PDE1C: variants seen among roughly 807,000 people sequenced by gnomAD.
PDE1C encodes dual specificity calcium/calmodulin-dependent 3',5'-cyclic nucleotide phosphodiesterase 1C.
A neutral mutation model predicts 93.1 loss-of-function variants in PDE1C; 62 were observed. The ratio of observed to expected loss-of-function variants is 0.67; its 90% CI spans 0.54 to 0.82. The LOEUF (loss-of-function observed/expected upper bound fraction) is 0.82. Ranked by LOEUF, PDE1C falls within the 40% of genes least tolerant of loss-of-function variation. PDE1C has a pLI of 0.00. For synonymous variants in PDE1C, 325 were observed against 310.1 expected (o/e 1.05, Z -0.50); for missense variants, 742 against 884.6 (o/e 0.84, Z 2.04).
chr7:32,307,707 A>G (rs1443056208), intron 1 of PDE1C, among the ~76,000 whole-genome samples: 1 of 152,160 alleles, frequency 6.6e-6, no homozygotes, highest in East Asian at 1.9e-4. Flanking sequence ...AAAGCACCTG[A>G]GCCTACCACT....
At chr7:32,291,296 G>C (rs1244459322) in intron 1 of PDE1C, among the ~76,000 whole-genome samples, 1 of 152,308 alleles carries the variant, frequency 6.6e-6, no homozygotes, top group South Asian at 2.1e-4. Context: ...TATCAAGCAG[G>C]ATCCAGGTTA....
intron 2 of PDE1C, among the ~76,000 whole-genome samples, chr7:32,051,324 G>A (rs746751932): frequency 5.9e-5 from 9 of 152,130 alleles, no homozygotes; most frequent in Non-Finnish European, 8.8e-5. Flanking sequence ...ACAAGCTTTT[G>A]AGCCCACAGG....
At chr7:31,948,578 A>T (rs1016302490) in intron 2 of PDE1C, among the ~76,000 whole-genome samples, 1 of 152,160 alleles carries the variant, frequency 6.6e-6, no homozygotes, top group Non-Finnish European at 1.5e-5. Flanking sequence ...CCACTTTTTG[A>T]TATCTTCTCC....
intron 3 of PDE1C, among the ~76,000 whole-genome samples, chr7:32,083,245 G>A (rs796526250): frequency 5.9e-5 from 9 of 151,598 alleles, no homozygotes; most frequent in Non-Finnish European, 1.2e-4. Flanking sequence ...GGAAGAAAGG[G>A]TATCAGTGAT....
At chr7:32,168,600 T>A (rs568290106) in intron 3 of PDE1C, among the ~76,000 whole-genome samples, 48 of 152,316 alleles carry the variant, frequency 3.2e-4, no homozygotes, top group Admixed American at 1.2e-3. Context: ...GAATTGCAGG[T>A]TCATAAGACG....
chr7:32,090,219 T>G (rs1253419943), intron 3 of PDE1C, among the ~76,000 whole-genome samples: 2 of 152,186 alleles, frequency 1.3e-5, no homozygotes, highest in Admixed American at 6.5e-5. Context: ...CCTACATTTA[T>G]CTCCCTTCTT....
intron 1 of PDE1C, among the ~76,000 whole-genome samples, chr7:32,311,779 T>C (rs1049086947): frequency 1.3e-5 from 2 of 152,020 alleles, no homozygotes; most frequent in African/African-American, 2.4e-5. Flanking sequence ...CTATCTATGA[T>C]AAACCCACAG....
At chr7:32,397,966 A>G (rs1784866339) in intron 1 of PDE1C, among the ~76,000 whole-genome samples, 2 of 151,952 alleles carry the variant, frequency 1.3e-5, no homozygotes, top group South Asian at 2.1e-4. Flanking sequence ...CATCCTGGCT[A>G]ACACAGTGAC....
chr7:32,225,022 TA>T (rs58376421), intron 1 of PDE1C, among the ~76,000 whole-genome samples: 1,903 of 100,568 alleles, frequency 0.019, 11 homozygotes, highest in East Asian at 0.048. Flanking sequence ...CTTTCTTATT[TA>T]AAAAAAAAAA....
chr7:32,108,384 A>C (rs552766522), intron 3 of PDE1C, among the ~76,000 whole-genome samples: 11 of 152,070 alleles, frequency 7.2e-5, no homozygotes, highest in Non-Finnish European at 1.5e-4. Context: ...TTCAGTCAAA[A>C]CATTGAAATA....
At chr7:31,741,663 T>C in the PDE1C span, among the ~76,000 whole-genome samples, 1 of 152,240 alleles carries the variant, frequency 6.6e-6, no homozygotes, top group Non-Finnish European at 1.5e-5. Context: ...TTTACCTGCC[T>C]GTAGCAAGAA....
At chr7:32,277,806 G>A (rs1811376067) in intron 1 of PDE1C, among the ~76,000 whole-genome samples, 2 of 152,178 alleles carry the variant, frequency 1.3e-5, no homozygotes, top group South Asian at 4.1e-4. Flanking sequence ...ACACTAATGT[G>A]GGTAAGAAGA....
intron 2 of PDE1C, among the ~76,000 whole-genome samples, chr7:31,997,561 A>T (rs1784876852): frequency 6.6e-6 from 1 of 152,216 alleles, no homozygotes; most frequent in Admixed American, 6.5e-5. Flanking sequence ...CCTGTCTCTT[A>T]TACTGACAAT....
intron 1 of PDE1C, among the ~76,000 whole-genome samples, chr7:32,411,750 CTTT>C (rs902810859): frequency 3.6e-4 from 55 of 152,052 alleles, no homozygotes; most frequent in Non-Finnish European, 7.4e-4. Context: ...ACTTTATAGA[CTTT>C]TTAAGTGTTT....
At chr7:32,262,029 TTTA>T (rs1229904814) in intron 1 of PDE1C, among the ~76,000 whole-genome samples, 38 of 146,392 alleles carry the variant, frequency 2.6e-4, no homozygotes, top group African/African-American at 9.2e-4. Flanking sequence ...TTTTTTTTTT[TTTA>T]ATGTGACATC....
chr7:31,802,745 T>C (rs1436180680), intron 16 of PDE1C, among the ~76,000 whole-genome samples: 1 of 151,804 alleles, frequency 6.6e-6, no homozygotes, highest in Non-Finnish European at 1.5e-5. Flanking sequence ...TCCACTGTCT[T>C]ATTTGCATTG....
Position 31,846,216 on chromosome 7 carries a change from T to C in PDE1C, c.980+1752A>G, listed in dbSNP as rs184179752. ...ATGCTACTTCTGTTATACATACTTT[T>C]ACTTTTCTTTTTTTTTCTTTTTTTT... On this transcript the variant is annotated intron_variant, in intron 9 of 17. Transcript: ENST00000396191. Among the ~76,000 whole-genome samples the C allele has an allele frequency of 1.1e-3, 170 of 151,506 alleles. 1 individual carries two copies. The highest frequency in any genetic ancestry group is 2.4e-3 in the Admixed American group (36 of 15,184).
intron 1 of PDE1C, among the ~76,000 whole-genome samples, chr7:32,279,721 A>G (rs1811504811): frequency 6.6e-6 from 1 of 152,166 alleles, no homozygotes; most frequent in Non-Finnish European, 1.5e-5. Context: ...CAGAAATAAG[A>G]GCAAATATAA....
intron 1 of PDE1C, among the ~76,000 whole-genome samples, chr7:32,332,457 T>A (rs1783534333): frequency 6.6e-6 from 1 of 152,054 alleles, no homozygotes; most frequent in Non-Finnish European, 1.5e-5. Context: ...ACAACAGGTT[T>A]TTTTTTTTAA....
Sources: allele counts gnomAD v4.1 joint callset (sites outside exome capture counted in the v4.1 genomes callset), GRCh38; gene constraint gnomAD v4.1.1; transcripts MANE v1.5; gene names NCBI Gene and HGNC (gene_info 2026-07-23, HGNC 2026-07-21).